The following MAP3K5 variants were observed in gnomAD, a reference collection of about 807,000 sequenced individuals.
The protein encoded by MAP3K5 is ASK-1.
In MAP3K5, 56 loss-of-function variants were observed where a neutral mutation model predicts 158.7. The observed-to-expected ratio is 0.35, with a 90% CI of 0.28 to 0.44. The LOEUF (loss-of-function observed/expected upper bound fraction) is 0.44, where lower values mean the gene tolerates loss of function less well. Ranked by LOEUF, MAP3K5 falls within the 20% of genes least tolerant of loss-of-function variation. MAP3K5 has a pLI of 1.00. For synonymous variants in MAP3K5, 579 were observed against 601.7 expected (o/e 0.96, Z 0.55); for missense variants, 1,294 against 1,674.8 (o/e 0.77, Z 3.97).
chr6:136,606,455 G>C, intron 18 of MAP3K5, among the ~76,000 whole-genome samples: 1 of 152,170 alleles, frequency 6.6e-6, no homozygotes, highest in East Asian at 1.9e-4. Context: ...GAATTAAGTG[G>C]AGGGGGCCAC....
chr6:136,761,545 C>A (rs75240027), intron 1 of MAP3K5, among the ~76,000 whole-genome samples: 2,602 of 152,162 alleles, frequency 0.017, 76 homozygotes, highest in African/African-American at 0.056. Context: ...AACTACAGAA[C>A]TTGAAAGGGG....
At chr6:136,698,365 A>C (rs1780695457) in intron 4 of MAP3K5, 124 bp downstream of exon 4, 1 of 725,052 alleles carries the variant, frequency 1.4e-6, no homozygotes, top group Non-Finnish European at 2.2e-6. Flanking sequence ...AGGATAATAA[A>C]CATTTTCCCC....
chr6:136,673,802 G>A (rs1779587925), intron 7 of MAP3K5, among the ~76,000 whole-genome samples: 1 of 151,144 alleles, frequency 6.6e-6, no homozygotes, highest in African/African-American at 2.4e-5. Flanking sequence ...ATGTATTACT[G>A]TAGCCCCAGA....
At chr6:136,559,541 C>T (rs1299148621) in intron 28 of MAP3K5, among the ~76,000 whole-genome samples, 1 of 152,232 alleles carries the variant, frequency 6.6e-6, no homozygotes, top group Non-Finnish European at 1.5e-5. Context: ...TGCTACATAG[C>T]TTTGTTTTTC....
chr6:136,688,915 C>T (rs1228461335), intron 7 of MAP3K5, among the ~76,000 whole-genome samples: 1 of 152,046 alleles, frequency 6.6e-6, no homozygotes, highest in Non-Finnish European at 1.5e-5. Context: ...TCTAAATCTC[C>T]CACAACTAAG....
intron 1 of MAP3K5, among the ~76,000 whole-genome samples, chr6:136,786,504 G>A (rs1231580834): frequency 6.6e-6 from 1 of 152,178 alleles, no homozygotes; most frequent in Non-Finnish European, 1.5e-5. Flanking sequence ...CAATGCAGAG[G>A]GCAAAGAAGG....
At chr6:136,576,359 T>C (rs1774615851) in intron 25 of MAP3K5, among the ~76,000 whole-genome samples, 2 of 152,198 alleles carry the variant, frequency 1.3e-5, no homozygotes, top group Admixed American at 1.3e-4. Flanking sequence ...TCGCTCAAGC[T>C]GGAGTACAGC....
intron 1 of MAP3K5, among the ~76,000 whole-genome samples, chr6:136,752,514 C>A (rs538007564): frequency 2.2e-4 from 33 of 152,322 alleles, no homozygotes; most frequent in Admixed American, 7.2e-4. Context: ...TGGGTTCAAG[C>A]GATTCTCCTA....
chr6:136,589,560 A>G (rs1174051346), intron 23 of MAP3K5, among the ~76,000 whole-genome samples: 3 of 152,114 alleles, frequency 2.0e-5, no homozygotes, highest in Non-Finnish European at 4.4e-5. Context: ...GTGTCCTCCA[A>G]ATTCGTATGT....
chr6:136,601,008 A>G lies in MAP3K5; in HGVS notation c.2878+14T>C, dbSNP rs2129085305. On this transcript the variant is annotated intron_variant, in intron 21 of 29. Transcript: ENST00000359015. ...CAGGTCTCAGCTCAATGGGCAAAGTAAAAACAAACTCACCATTTGATCCAG... is the reference window on the plus strand; with the variant it reads ...CAGGTCTCAGCTCAATGGGCAAAGTGAAAACAAACTCACCATTTGATCCAG... The G allele has an allele frequency of 6.2e-7, 1 of 1,613,874 alleles. No individual in the cohort carries two copies. Among genetic ancestry groups the G allele is most frequent in the Middle Eastern group, 1.7e-4 (1 of 6,058 alleles).
chr6:136,769,888 G>C (rs943058568), intron 1 of MAP3K5, among the ~76,000 whole-genome samples: 6 of 137,942 alleles, frequency 4.3e-5, no homozygotes, highest in African/African-American at 1.6e-4. Flanking sequence ...AGAAGGGAAG[G>C]GAAAGGAAGG....
intron 21 of MAP3K5, among the ~76,000 whole-genome samples, chr6:136,600,342 C>T (rs538253595): frequency 6.6e-6 from 1 of 151,916 alleles, no homozygotes; most frequent in South Asian, 2.1e-4. Flanking sequence ...TAGGCATGCA[C>T]CACCGCACCC....
At position 136,792,360 on chromosome 6, in the gene MAP3K5, G is replaced by C. The variant is rs1582715195; in HGVS notation, c.-203C>G. The stretch of plus-strand genomic sequence containing the variant: ...GCCCGGCGGCGGCTCGCTCCTCCTC[G>C]GCGCCTCCGTGGCCGCGCCGCTCGC... On this transcript the variant is annotated 5_prime_UTR_variant, in exon 1 of 30. Transcript: ENST00000359015. The surrounding 1 kb of genome is among the most constrained non-coding windows in gnomAD (Gnocchi z 5.7). 5 of 1,002,364 alleles carry C rather than the reference G, an allele frequency of 5.0e-6. No homozygotes were observed. Among genetic ancestry groups the C allele is most frequent in the Middle Eastern group, 4.7e-4 (1 of 2,114 alleles). The allele number at this position is 1,002,364 out of a possible 1,614,324, so 62.1% of individuals were successfully genotyped here. A position where few individuals can be genotyped will look rare whatever the true frequency, so the allele number is the denominator to read the frequency against.
At chr6:136,736,771 C>T (rs1010758192) in intron 1 of MAP3K5, among the ~76,000 whole-genome samples, 4 of 151,994 alleles carry the variant, frequency 2.6e-5, no homozygotes, top group Admixed American at 6.6e-5. Flanking sequence ...GCTCACTGGG[C>T]TCAACTGATC....
At chr6:136,561,020 C>A (rs1293252274) in intron 28 of MAP3K5, among the ~76,000 whole-genome samples, 2 of 147,356 alleles carry the variant, frequency 1.4e-5, no homozygotes, top group African/African-American at 5.2e-5. Context: ...GAATTAGAAA[C>A]AAGAAATTTT....
intron 23 of MAP3K5, among the ~76,000 whole-genome samples, chr6:136,590,779 A>T (rs1775350192): frequency 6.6e-6 from 1 of 152,110 alleles, no homozygotes; most frequent in South Asian, 2.1e-4. Flanking sequence ...TGACCTCGTG[A>T]TCCACCCGCC....
intron 18 of MAP3K5, among the ~76,000 whole-genome samples, chr6:136,606,751 C>G (rs931950546): frequency 3.9e-5 from 6 of 152,216 alleles, no homozygotes; most frequent in Non-Finnish European, 7.3e-5. Flanking sequence ...TTTTCTGATT[C>G]ATAACCAAAG....
intron 1 of MAP3K5, among the ~76,000 whole-genome samples, chr6:136,788,345 T>C (rs1223589896): frequency 6.6e-6 from 1 of 152,050 alleles, no homozygotes; most frequent in African/African-American, 2.4e-5. Context: ...GCCCAGGAAA[T>C]ACCATTCTGC....
At chr6:136,672,738 C>A (rs1176855072) in intron 7 of MAP3K5, among the ~76,000 whole-genome samples, 3 of 152,016 alleles carry the variant, frequency 2.0e-5, no homozygotes, top group Admixed American at 2.0e-4. Flanking sequence ...GCACTGGCTC[C>A]CAGCCCTTTG....
Sources: allele counts gnomAD v4.1 joint callset (sites outside exome capture counted in the v4.1 genomes callset), GRCh38; gene constraint gnomAD v4.1.1; non-coding constraint Gnocchi (gnomAD v3.1); transcripts MANE v1.5; gene names NCBI Gene and HGNC (gene_info 2026-07-23, HGNC 2026-07-21).